CAPN7: variants seen among roughly 807,000 people sequenced by gnomAD.
CAPN7 encodes calpain-7.
CAPN7 carries 72 observed loss-of-function variants against 115.2 expected under a neutral mutation model. The ratio of observed to expected loss-of-function variants is 0.63; its 90% CI spans 0.52 to 0.76. The LOEUF (loss-of-function observed/expected upper bound fraction) is 0.76, where lower values mean the gene tolerates loss of function less well. Ranked by LOEUF, CAPN7 falls within the 30% of genes least tolerant of loss-of-function variation. The pLI is 0.00. For synonymous variants in CAPN7, 344 were observed against 322.3 expected (o/e 1.07, Z -0.72); for missense variants, 905 against 971.5 (o/e 0.93, Z 0.91).
chr3:15,244,097 C>T (rs568863295), intron 16 of CAPN7, among the ~76,000 whole-genome samples: 1 of 152,266 alleles, frequency 6.6e-6, no homozygotes, highest in East Asian at 1.9e-4. Flanking sequence ...GTTGACAGTT[C>T]TTGCAAGAAA....
intron 16 of CAPN7, among the ~76,000 whole-genome samples, chr3:15,243,304 A>C (rs1353915960): frequency 6.6e-6 from 1 of 152,164 alleles, no homozygotes; most frequent in Non-Finnish European, 1.5e-5. Context: ...ACACCACAGG[A>C]AGGGTTCGGA....
At chr3:15,207,305 A>G (rs60641675) in intron 1 of CAPN7, among the ~76,000 whole-genome samples, 5,919 of 152,284 alleles carry the variant, frequency 0.039, 399 homozygotes, top group African/African-American at 0.14. Flanking sequence ...AGATAAAAAA[A>G]AAATACTACA....
At chr3:15,228,208 A>T (rs1177314599) in intron 7 of CAPN7, among the ~76,000 whole-genome samples, 1 of 152,196 alleles carries the variant, frequency 6.6e-6, no homozygotes, top group East Asian at 1.9e-4. Flanking sequence ...TGTAAATGTA[A>T]AACTTGAGAA....
intron 17 of CAPN7, 126 bp from the exon 18 acceptor site, chr3:15,246,603 CTGA>C (rs775879086): frequency 3.0e-6 from 2 of 673,450 alleles, no homozygotes; most frequent in Non-Finnish European, 5.2e-6. Flanking sequence ...TAAACCTGAC[CTGA>C]TACTAGGCTG....
chr3:15,215,687 G>A (rs544056385), intron 2 of CAPN7, among the ~76,000 whole-genome samples: 1 of 152,192 alleles, frequency 6.6e-6, no homozygotes, highest in Non-Finnish European at 1.5e-5. Flanking sequence ...TTTTATGGCT[G>A]AGTAATATTT....
intron 6 of CAPN7, 55 bp downstream of exon 6, chr3:15,223,616 T>C (rs1694129875): frequency 2.0e-6 from 2 of 1,007,386 alleles, no homozygotes; most frequent in African/African-American, 1.6e-5. Flanking sequence ...TTCAGTACTC[T>C]GAAGTTCAAT....
intron 5 of CAPN7, among the ~76,000 whole-genome samples, chr3:15,222,772 C>T (rs1694078062): frequency 6.6e-6 from 1 of 152,184 alleles, no homozygotes; most frequent in Non-Finnish European, 1.5e-5. Context: ...TTTTCATTAT[C>T]TTTCCAAAAT....
At chr3:15,249,025 C>CAAAAAAAAAAAAAAAAAAAAAA (rs59492817) in intron 19 of CAPN7, among the ~76,000 whole-genome samples, 1 of 130,760 alleles carries the variant, frequency 7.6e-6, no homozygotes, top group African/African-American at 3.0e-5. Flanking sequence ...AAAAAAAAAA[C>CAAAAAAAAAAAAAAAAAAAAAA]AAAAACAGAA....
chr3:15,239,360 A>G (rs1406130800), intron 12 of CAPN7, among the ~76,000 whole-genome samples: 3 of 152,252 alleles, frequency 2.0e-5, no homozygotes, highest in Non-Finnish European at 4.4e-5. Flanking sequence ...CAGTAAGACA[A>G]ATATTATTTT....
rs779999333 is a variant in CAPN7, at chr3:15,228,985, G to A, written c.864G>A (p.Ser288=). 2.5e-6 allele frequency: 4 copies of A among 1,610,632 alleles called. No individual in the cohort carries two copies. The highest frequency in any genetic ancestry group is 2.2e-5 in the South Asian group (2 of 90,638). The part of the protein sequence containing the change: ...SSFSIKQTIV[S]DCSFVASLAI... ...ATTCTTATTAACAGACAATAGTATCGGATTGCTCCTTTGTGGCATCACTGG... is the reference window on the plus strand; with the variant it reads ...ATTCTTATTAACAGACAATAGTATCAGATTGCTCCTTTGTGGCATCACTGG... The change falls in exon 8 of 21, where the codon TCG becomes TCA. Residue 288 remains serine (S), a synonymous_variant. Transcript: ENST00000253693.
At chr3:15,220,548 TG>T in intron 4 of CAPN7, among the ~76,000 whole-genome samples, 1 of 152,262 alleles carries the variant, frequency 6.6e-6, no homozygotes, top group Non-Finnish European at 1.5e-5. Context: ...TTACCTTGTA[TG>T]GTGTCTGATT....
chr3:15,220,475 C>G (rs1392606263), intron 4 of CAPN7, among the ~76,000 whole-genome samples: 2 of 152,178 alleles, frequency 1.3e-5, no homozygotes, highest in South Asian at 2.1e-4. Flanking sequence ...CTGTCTTTCC[C>G]TACAAAACTA....
intron 6 of CAPN7, among the ~76,000 whole-genome samples, chr3:15,225,925 G>A (rs1199625109): frequency 1.3e-5 from 2 of 152,096 alleles, no homozygotes; most frequent in East Asian, 3.8e-4. Flanking sequence ...ATGTTTTTAA[G>A]TTGGGTTAAC....
rs1335031778 is a variant in CAPN7 at position 15,252,629 on chromosome 3, T to C, written c.*1369T>C. 1.3e-5 allele frequency: 2 copies of C among 152,120 alleles called. No homozygotes were observed. The highest frequency in any genetic ancestry group is 4.8e-5 in the African/African-American group (2 of 41,370). 9.4% of individuals were successfully genotyped at this position (152,120 alleles called of 1,614,324 possible). ...TTGTACAGGATGCAAACTAAAAACC[T>C]AATCCCTGCCATCAAATTTATTAGA... On this transcript the variant is annotated 3_prime_UTR_variant, in exon 21 of 21. Coordinates refer to ENST00000253693, the MANE Select transcript of CAPN7 (RefSeq NM_014296.3).
In CAPN7 at chr3:15,235,046, C is replaced by T; in HGVS notation, c.1308C>T (p.Leu436=). 1 of 1,613,078 alleles carries T rather than the reference C, an allele frequency of 6.2e-7. No homozygotes were observed. The highest frequency in any genetic ancestry group is 8.5e-7 in the Non-Finnish European group (1 of 1,179,468). Residue 436 remains leucine, a synonymous_variant, in exon 12 of 21, where the codon CTC becomes CTT. Coordinates refer to ENST00000253693, the MANE Select transcript of CAPN7 (RefSeq NM_014296.3). ...CCAGATTTCACAAAGGAGATGTCCT[C>T]ATCACTGCGTCAACTGGAATGATGA... ...LYQRFHKGDV[L]ITASTGMMTE... is the part of the protein sequence containing the mutation.
At chr3:15,242,313 T>G in intron 16 of CAPN7, 60 bp downstream of exon 16, 1 of 1,095,066 alleles carries the variant, frequency 9.1e-7, no homozygotes, top group Non-Finnish European at 1.3e-6. Context: ...ATTTATATGA[T>G]TAAGTTGAAA....
chr3:15,217,433 A>G lies in CAPN7; in HGVS notation c.220A>G (p.Lys74Glu), dbSNP rs766349986. ...VQALHSAVQSKSADPLKSKHQ... is the reference protein window; with the variant it reads ...VQALHSAVQSESADPLKSKHQ... ...TTTTTTTTCTATCCTAGTTCAGTCA[A>G]AGAGTGCTGATCCTTTGAAGTCAAA... Residue 74 changes from lysine to glutamate, a missense_variant, in exon 3 of 21, where the codon AAG becomes GAG. By Grantham distance (56) the Lys-to-Glu change is moderately conservative. Coordinates refer to ENST00000253693, the MANE Select transcript of CAPN7 (RefSeq NM_014296.3). 6.2e-7 allele frequency: 1 copy of G among 1,611,178 alleles called. No homozygotes were observed. The highest frequency in any genetic ancestry group is 1.1e-5 in the South Asian group (1 of 90,414).
At chr3:15,249,547 T>TA (rs926984993) in intron 19 of CAPN7, among the ~76,000 whole-genome samples, 1 of 152,200 alleles carries the variant, frequency 6.6e-6, no homozygotes, top group Non-Finnish European at 1.5e-5. Flanking sequence ...TTTTTGCATT[T>TA]AAAAAATTCA....
intron 1 of CAPN7, among the ~76,000 whole-genome samples, chr3:15,208,453 A>ATTT (rs1218217326): frequency 1.1e-3 from 133 of 126,130 alleles, no homozygotes; most frequent in African/African-American, 2.3e-3. Context: ...CACTTGGCTA[A>ATTT]TTTTTTTTTT....
Sources: allele counts gnomAD v4.1 joint callset (sites outside exome capture counted in the v4.1 genomes callset), GRCh38; gene constraint gnomAD v4.1.1; transcripts MANE v1.5; gene names NCBI Gene and HGNC (gene_info 2026-07-23, HGNC 2026-07-21).